The following LRP1B variants were observed in gnomAD, a reference collection of about 807,000 sequenced individuals.
LRP1B encodes LDL receptor related protein 1B, also known as low-density lipoprotein receptor-related protein 1B.
LRP1B carries 217 observed loss-of-function variants against 556.6 expected under a neutral mutation model. That is an observed-to-expected ratio of 0.39 (90% confidence interval 0.35 to 0.44). The LOEUF is 0.44. Among genes scored for constraint, LRP1B ranks in the 20% least tolerant of loss-of-function variants. LRP1B has a pLI of 1.00. For synonymous variants in LRP1B, 2,047 were observed against 1,865.8 expected (o/e 1.10, Z -2.50); for missense variants, 5,053 against 5,620.8 (o/e 0.90, Z 3.23).
rs189106133 is a variant in LRP1B, at chr2:141,463,433, C to T, written c.343+16963G>A. The stretch of plus-strand genomic sequence containing the variant: ...GAAAAAGGGAGAAATACATTGTGTA[C>T]CAAATAACCTTTGGGAGAAAAATTC... On this transcript the variant is annotated intron_variant, in intron 3 of 90. Coordinates refer to ENST00000389484, the MANE Select transcript of LRP1B (RefSeq NM_018557.3). Among the ~76,000 whole-genome samples the T allele has an allele frequency of 3.8e-4, 56 of 149,330 alleles. No homozygotes were observed. The East Asian group carries it at 0.01, about 28-fold the overall frequency.
chr2:141,981,679 C>A (rs1559001475), intron 1 of LRP1B, among the ~76,000 whole-genome samples: 1 of 152,150 alleles, frequency 6.6e-6, no homozygotes, highest in Non-Finnish European at 1.5e-5. Flanking sequence ...TAGATGTTTA[C>A]TCTTTTTTCT....
At chr2:141,493,826 C>G (rs1263810688) in intron 2 of LRP1B, among the ~76,000 whole-genome samples, 1 of 152,162 alleles carries the variant, frequency 6.6e-6, no homozygotes, top group East Asian at 1.9e-4. Flanking sequence ...TCAGTAAATC[C>G]TAACTATGGG....
chr2:140,869,708 TA>T (rs1015253336), intron 25 of LRP1B, among the ~76,000 whole-genome samples: 7 of 152,032 alleles, frequency 4.6e-5, no homozygotes, highest in African/African-American at 1.7e-4. Context: ...AAAAATGAGA[TA>T]AAAAACAGAA....
intron 31 of LRP1B, among the ~76,000 whole-genome samples, chr2:140,823,790 C>A (rs918692222): frequency 1.3e-5 from 2 of 151,220 alleles, no homozygotes; most frequent in Admixed American, 6.6e-5. Context: ...TTCAGAAAGA[C>A]AGAAAAAAAA....
chr2:141,200,091 T>C (rs964371199), intron 6 of LRP1B, among the ~76,000 whole-genome samples: 6 of 152,080 alleles, frequency 3.9e-5, no homozygotes, highest in Non-Finnish European at 8.8e-5. Flanking sequence ...CCCAGAAGAA[T>C]ATAAATCATT....
chr2:140,247,079 AACTT>A lies in LRP1B; in HGVS notation c.13324+3_13324+6del. The stretch of plus-strand genomic sequence containing the variant: ...GATTACCCAAAATATTAATCTGAGA[AACTT>A]ACTTGTGCTGATATGATCAGACTTG... On this transcript the variant is annotated splice_donor_5th_base_variant and intron_variant, in intron 87 of 90. Transcript: ENST00000389484. 6.2e-7 allele frequency: 1 copy of A among 1,604,326 alleles called. No homozygotes were observed.
chr2:141,487,654 C>A (rs1002295898), intron 2 of LRP1B, among the ~76,000 whole-genome samples: 2 of 152,114 alleles, frequency 1.3e-5, no homozygotes, highest in Non-Finnish European at 2.9e-5. Flanking sequence ...TTCACCCTCC[C>A]AAAATACACC....
chr2:141,869,217 T>C (rs1698505742), intron 1 of LRP1B, among the ~76,000 whole-genome samples: 1 of 152,114 alleles, frequency 6.6e-6, no homozygotes, highest in Non-Finnish European at 1.5e-5. Flanking sequence ...ACAAGTCATG[T>C]GTAGCTATTG....
intron 35 of LRP1B, among the ~76,000 whole-genome samples, chr2:140,768,132 T>C (rs905124425): frequency 2.6e-5 from 4 of 151,974 alleles, no homozygotes; most frequent in African/African-American, 9.7e-5. Flanking sequence ...TTTAAACATT[T>C]GCCTCTATCC....
rs370251732 is a variant in LRP1B at position 142,128,102 on chromosome 2, CAAT to C, written c.82+2543_82+2545del. Reference sequence around the variant, plus strand: ...AATCAATATAAACTAATAAAATAAACAATAAGGAATTAAAAGACAAGTGCACGT... The same window carrying C: ...AATCAATATAAACTAATAAAATAAACAAGGAATTAAAAGACAAGTGCACGT... On this transcript the variant is annotated intron_variant, in intron 1 of 90. Coordinates refer to ENST00000389484, the MANE Select transcript of LRP1B (RefSeq NM_018557.3). 3.1e-3 allele frequency among the ~76,000 whole-genome samples: 474 copies of C among 151,960 alleles called. 4 individuals carry two copies. The highest frequency in any genetic ancestry group is 0.01 in the African/African-American group (432 of 41,476).
At chr2:140,759,936 G>A (rs1196590575) in intron 35 of LRP1B, among the ~76,000 whole-genome samples, 1 of 152,118 alleles carries the variant, frequency 6.6e-6, no homozygotes, top group Non-Finnish European at 1.5e-5. Context: ...ATTAATCAAA[G>A]AGCTACAGTG....
intron 3 of LRP1B, among the ~76,000 whole-genome samples, chr2:141,268,219 G>C (rs1331493120): frequency 1.3e-5 from 2 of 152,086 alleles, no homozygotes; most frequent in South Asian, 2.1e-4. Context: ...TATGCACTTT[G>C]CCTAAATCCC....
chr2:141,266,154 C>G (rs1000765994), intron 3 of LRP1B, among the ~76,000 whole-genome samples: 2 of 151,936 alleles, frequency 1.3e-5, no homozygotes, highest in East Asian at 3.9e-4. Context: ...GAAACCTGGT[C>G]CCTACCAAAA....
intron 3 of LRP1B, among the ~76,000 whole-genome samples, chr2:141,413,376 T>C (rs1690929021): frequency 6.6e-6 from 1 of 152,030 alleles, no homozygotes; most frequent in African/African-American, 2.4e-5. Flanking sequence ...AGATGTGACA[T>C]TGATGACTTT....
intron 3 of LRP1B, among the ~76,000 whole-genome samples, chr2:141,463,629 TTATTATA>T (rs1481104372): frequency 2.8e-5 from 3 of 107,558 alleles, no homozygotes; most frequent in African/African-American, 1.3e-4. Flanking sequence ...GTATTATATA[TTATTATA>T]TATTATATAT....
At chr2:140,856,279 T>C (rs1268321336) in intron 27 of LRP1B, among the ~76,000 whole-genome samples, 1 of 152,224 alleles carries the variant, frequency 6.6e-6, no homozygotes, top group Non-Finnish European at 1.5e-5. Flanking sequence ...TTCCTTCATG[T>C]CTCAGCTCAA....
chr2:140,744,735 G>A (rs1327842977), intron 35 of LRP1B, among the ~76,000 whole-genome samples: 2 of 152,102 alleles, frequency 1.3e-5, no homozygotes, highest in Non-Finnish European at 2.9e-5. Context: ...TCTGTAATGT[G>A]TTTTCCTGAA....
chr2:141,125,040 T>C (rs1485518611), intron 7 of LRP1B, among the ~76,000 whole-genome samples: 1 of 151,934 alleles, frequency 6.6e-6, no homozygotes, highest in Non-Finnish European at 1.5e-5. Flanking sequence ...AAACAAAAGA[T>C]ATGGAAATGA....
chr2:141,533,353 G>A (rs151027936), intron 2 of LRP1B, among the ~76,000 whole-genome samples: 1,645 of 141,232 alleles, frequency 0.012, 13 homozygotes, highest in Middle Eastern at 0.018. Flanking sequence ...GCAAGCATCA[G>A]CCTTCTCCGT....
Sources: allele counts gnomAD v4.1 joint callset (sites outside exome capture counted in the v4.1 genomes callset), GRCh38; gene constraint gnomAD v4.1.1; transcripts MANE v1.5; gene names NCBI Gene and HGNC (gene_info 2026-07-23, HGNC 2026-07-21).